The following CSMD1 variants were observed in gnomAD, a reference collection of about 807,000 sequenced individuals.
The protein encoded by CSMD1 is CUB and Sushi multiple domains 1.
CSMD1 carries 213 observed loss-of-function variants against 417.5 expected under a neutral mutation model. That is an observed-to-expected ratio of 0.51 (90% confidence interval 0.46 to 0.57). The LOEUF is 0.57. Among genes scored for constraint, CSMD1 ranks in the 20% least tolerant of loss-of-function variants. The pLI is 0.00. For synonymous variants in CSMD1, 2,862 were observed against 1,736.8 expected (o/e 1.65, Z -16.11); for missense variants, 6,923 against 4,529.7 (o/e 1.53, Z -15.17).
intron 5 of CSMD1, among the ~76,000 whole-genome samples, chr8:3,890,819 T>A (rs868538960): frequency 1.3e-5 from 2 of 152,032 alleles, no homozygotes; most frequent in African/African-American, 4.8e-5. Context: ...TATAGTAATA[T>A]CTGTTTAAAT....
At chr8:3,285,945 T>A (rs929497607) in intron 25 of CSMD1, among the ~76,000 whole-genome samples, 1 of 152,072 alleles carries the variant, frequency 6.6e-6, no homozygotes, top group Non-Finnish European at 1.5e-5. Context: ...AACTCACCAT[T>A]TAACATTAGA....
intron 3 of CSMD1, among the ~76,000 whole-genome samples, chr8:4,083,478 G>C (rs557082417): frequency 1.2e-4 from 19 of 152,064 alleles, no homozygotes; most frequent in Non-Finnish European, 1.9e-4. Flanking sequence ...GCATGGTACT[G>C]GTACCAAAAC....
chr8:4,491,021 A>G lies in CSMD1; in HGVS notation c.303-70956T>C, dbSNP rs1160219027. ...CAGTGTATTGAGGCTAGGGACATGT[A>G]GGCAGCTCCTATGGTACCTGGCTGT... On this transcript the variant is annotated intron_variant, in intron 2 of 69. Coordinates refer to ENST00000635120, the MANE Select transcript of CSMD1 (RefSeq NM_033225.6). Among the ~76,000 whole-genome samples, 3 of 152,172 alleles carry G rather than the reference A, an allele frequency of 2.0e-5. No homozygotes were observed. The East Asian group carries it at 5.8e-4, about 29-fold the overall frequency.
chr8:3,092,400 G>A (rs1815005365), intron 47 of CSMD1, among the ~76,000 whole-genome samples: 2 of 152,050 alleles, frequency 1.3e-5, no homozygotes, highest in South Asian at 4.2e-4. Flanking sequence ...TGTATCTGTG[G>A]ACGATAGATA....
At chr8:3,206,787 A>G (rs570007750) in intron 30 of CSMD1, among the ~76,000 whole-genome samples, 10 of 152,234 alleles carry the variant, frequency 6.6e-5, no homozygotes, top group Admixed American at 2.0e-4. Flanking sequence ...GAGAAAATGA[A>G]AAACACTGTA....
intron 5 of CSMD1, among the ~76,000 whole-genome samples, chr8:3,758,581 A>G (rs1797806044): frequency 6.6e-6 from 1 of 152,204 alleles, no homozygotes; most frequent in Non-Finnish European, 1.5e-5. Context: ...TCTTCATTAC[A>G]AACTACGTAA....
At chr8:4,831,710 A>G (rs535329306) in intron 1 of CSMD1, among the ~76,000 whole-genome samples, 193 of 152,296 alleles carry the variant, frequency 1.3e-3, no homozygotes, top group African/African-American at 4.5e-3. Context: ...TTTACTAGAC[A>G]TTCACAAACA....
intron 2 of CSMD1, among the ~76,000 whole-genome samples, chr8:4,501,874 G>T (rs1027000874): frequency 6.6e-5 from 10 of 152,106 alleles, no homozygotes; most frequent in African/African-American, 2.4e-4. Flanking sequence ...CATGCTACAT[G>T]CAGGCTTTGG....
Position 4,298,102 on chromosome 8 carries a change from C to T in CSMD1, c.415+121851G>A, listed in dbSNP as rs528939765. 2.6e-5 allele frequency among the ~76,000 whole-genome samples: 4 copies of T among 152,150 alleles called. No homozygotes were observed. The Middle Eastern group carries it at 0.014, about 518-fold the overall frequency. ...GGTGAAAACCCAGGGTATAAAGGAC[C>T]TGGAGAACATCCCAGGGCACTGGGG... On this transcript the variant is annotated intron_variant, in intron 3 of 69. Transcript: ENST00000635120.
At chr8:4,210,740 C>T (rs1390361677) in intron 3 of CSMD1, among the ~76,000 whole-genome samples, 4 of 152,112 alleles carry the variant, frequency 2.6e-5, no homozygotes, top group African/African-American at 9.7e-5. Context: ...ACAAAATCTT[C>T]AACATACTGA....
At chr8:3,248,159 G>A (rs73185567) in intron 26 of CSMD1, among the ~76,000 whole-genome samples, 13,353 of 152,040 alleles carry the variant, frequency 0.088, 778 homozygotes, top group Non-Finnish European at 0.12. Context: ...GAGATGTAGC[G>A]GTGTGACAAA....
chr8:3,663,534 G>C (rs1358275279), intron 7 of CSMD1, among the ~76,000 whole-genome samples: 1 of 152,080 alleles, frequency 6.6e-6, no homozygotes, highest in Non-Finnish European at 1.5e-5. Context: ...AGTCAAGCTG[G>C]AAACTGCTTA....
Position 4,770,312 on chromosome 8 carries a change from G to T in CSMD1, c.86-132754C>A, listed in dbSNP as rs539185874. On this transcript the variant is annotated intron_variant, in intron 1 of 69. Coordinates refer to ENST00000635120, the MANE Select transcript of CSMD1 (RefSeq NM_033225.6). ...TGGGAATATATATTATATATAATTA[G>T]CAACTATATATGTACATAGAAATAT... Among the ~76,000 whole-genome samples the T allele has an allele frequency of 8.2e-5, 12 of 147,180 alleles. No homozygotes were observed. In the East Asian group the frequency reaches 2.4e-3, roughly 29 times the overall value.
chr8:3,105,449 G>A (rs950914544), intron 46 of CSMD1, among the ~76,000 whole-genome samples: 1 of 152,310 alleles, frequency 6.6e-6, no homozygotes, highest in African/African-American at 2.4e-5. Context: ...AACTAATGAT[G>A]TTTCGACTTA....
chr8:4,299,303 C>G (rs927282378), intron 3 of CSMD1, among the ~76,000 whole-genome samples: 1 of 152,072 alleles, frequency 6.6e-6, no homozygotes, highest in Admixed American at 6.6e-5. Context: ...CCCATCACCC[C>G]CAGAGAACGC....
At chr8:4,434,747 G>C (rs1161627142) in intron 2 of CSMD1, among the ~76,000 whole-genome samples, 1 of 152,116 alleles carries the variant, frequency 6.6e-6, no homozygotes, top group African/African-American at 2.4e-5. Flanking sequence ...TTGGGACTTA[G>C]CTCTTAGACT....
At chr8:4,888,843 G>C (rs1446324667) in intron 1 of CSMD1, among the ~76,000 whole-genome samples, 1 of 152,052 alleles carries the variant, frequency 6.6e-6, no homozygotes, top group Non-Finnish European at 1.5e-5. Flanking sequence ...GCATCTGGGA[G>C]ATTTTCAGCA....
intron 5 of CSMD1, among the ~76,000 whole-genome samples, chr8:3,871,654 A>G (rs1306750691): frequency 6.6e-6 from 1 of 152,178 alleles, no homozygotes; most frequent in Non-Finnish European, 1.5e-5. Context: ...ATTAGTCTCA[A>G]CCTTTAATCT....
intron 3 of CSMD1, among the ~76,000 whole-genome samples, chr8:4,374,169 TC>T (rs1200720288): frequency 6.6e-6 from 1 of 151,972 alleles, no homozygotes; most frequent in Non-Finnish European, 1.5e-5. Context: ...CCCTTTTAGA[TC>T]CCCCCTCTGA....
Sources: gnomAD v4.1 joint callset for allele counts (sites outside exome capture counted in the v4.1 genomes callset) on GRCh38, gnomAD v4.1.1 for gene constraint, MANE v1.5 for transcripts, NCBI Gene and HGNC (gene_info 2026-07-23, HGNC 2026-07-21) for gene names.